Variants in GPR39 observed in about 807,000 individuals in gnomAD.
The protein encoded by GPR39 is G protein-coupled receptor 39.
GPR39 carries 23 observed loss-of-function variants against 18.4 expected under a neutral mutation model. That is an observed-to-expected ratio of 1.25 (90% CI 0.90 to 1.77). The LOEUF (loss-of-function observed/expected upper bound fraction) is 1.77. Among genes scored for constraint, GPR39 ranks in the 40% most tolerant of loss-of-function variants. The pLI is 0.00. For missense variants in GPR39, 647 were observed against 602.4 expected (o/e 1.07, Z -0.78); for synonymous variants, 280 against 257.9 (o/e 1.09, Z -0.82).
intron 1 of GPR39, among the ~76,000 whole-genome samples, chr2:132,523,213 A>G (rs1233881800): frequency 6.6e-6 from 1 of 152,260 alleles, no homozygotes; most frequent in Non-Finnish European, 1.5e-5. Flanking sequence ...CCTGTTAAAC[A>G]TTAAGAACTA....
chr2:132,454,025 T>G (rs1276483094), intron 1 of GPR39, among the ~76,000 whole-genome samples: 1 of 152,188 alleles, frequency 6.6e-6, no homozygotes, highest in African/African-American at 2.4e-5. Context: ...AAGAAAGTAA[T>G]AGGTAGCTTG....
chr2:132,572,673 A>C (rs974299827), intron 1 of GPR39, among the ~76,000 whole-genome samples: 1 of 152,150 alleles, frequency 6.6e-6, no homozygotes, highest in Non-Finnish European at 1.5e-5. Context: ...GGAGTCCGCT[A>C]TGCTCCATCA....
At chr2:132,583,382 CAAA>C (rs10707930) in intron 1 of GPR39, among the ~76,000 whole-genome samples, 2 of 143,342 alleles carry the variant, frequency 1.4e-5, no homozygotes, top group East Asian at 2.0e-4. Flanking sequence ...ACATATCCCT[CAAA>C]AAAAAAAAAA....
At chr2:132,427,369 T>C (rs1680145928) in intron 1 of GPR39, among the ~76,000 whole-genome samples, 1 of 149,746 alleles carries the variant, frequency 6.7e-6, no homozygotes, top group Non-Finnish European at 1.5e-5. Context: ...GGTGTTTCAC[T>C]GTGTTAGCCA....
intron 1 of GPR39, among the ~76,000 whole-genome samples, chr2:132,545,800 T>C (rs1160210574): frequency 9.9e-5 from 15 of 152,166 alleles, no homozygotes. Flanking sequence ...CCTGGGATTC[T>C]GCATTTCTAA....
At chr2:132,580,968 A>G (rs1020922742) in intron 1 of GPR39, among the ~76,000 whole-genome samples, 3 of 149,000 alleles carry the variant, frequency 2.0e-5, no homozygotes, top group Non-Finnish European at 1.5e-5. Context: ...CTCAAAAAAA[A>G]AAAACAAAAA....
At chr2:132,560,564 C>T (rs1364540106) in intron 1 of GPR39, among the ~76,000 whole-genome samples, 1 of 152,258 alleles carries the variant, frequency 6.6e-6, no homozygotes, top group East Asian at 1.9e-4. Context: ...CACTGGCCTT[C>T]CGATTTCCCA....
At chr2:132,567,986 G>A (rs180838703) in intron 1 of GPR39, among the ~76,000 whole-genome samples, 1 of 152,188 alleles carries the variant, frequency 6.6e-6, no homozygotes, top group East Asian at 1.9e-4. Context: ...GTAAGTCCAA[G>A]AGACTTCTTC....
At chr2:132,532,939 A>T (rs1245050797) in intron 1 of GPR39, among the ~76,000 whole-genome samples, 1 of 152,160 alleles carries the variant, frequency 6.6e-6, no homozygotes, top group African/African-American at 2.4e-5. Flanking sequence ...CTGGCACAAG[A>T]CAGGGATGCC....
At chr2:132,633,696 CA>C (rs1681694149) in intron 1 of GPR39, among the ~76,000 whole-genome samples, 3 of 151,704 alleles carry the variant, frequency 2.0e-5, no homozygotes, top group Non-Finnish European at 4.4e-5. Context: ...ATAATGACGA[CA>C]AAGGAAGTTG....
intron 1 of GPR39, among the ~76,000 whole-genome samples, chr2:132,438,271 G>A (rs1680367882): frequency 6.6e-6 from 1 of 152,176 alleles, no homozygotes; most frequent in Non-Finnish European, 1.5e-5. Flanking sequence ...GATCCTGAGT[G>A]CTTTCATAAG....
intron 1 of GPR39, among the ~76,000 whole-genome samples, chr2:132,441,308 A>C (rs1338999917): frequency 2.6e-5 from 4 of 152,178 alleles, no homozygotes; most frequent in African/African-American, 9.7e-5. Context: ...GCTGCATTTC[A>C]AAAGTTAGCT....
chr2:132,491,864 T>A (rs1360203063), intron 1 of GPR39, among the ~76,000 whole-genome samples: 6 of 151,874 alleles, frequency 4.0e-5, no homozygotes, highest in South Asian at 2.1e-4. Flanking sequence ...GGAAGGTAGA[T>A]GCTAATGATG....
rs997933891 is a variant in GPR39, at chr2:132,431,635, G to A, written c.856+13737G>A. Among the ~76,000 whole-genome samples, 9 of 152,178 alleles carry A rather than the reference G, an allele frequency of 5.9e-5. No individual in the cohort carries two copies. In the East Asian group the frequency reaches 1.4e-3, roughly 23 times the overall value. ...TTCTCTTGGTGATGTTTTTTTGAAC[G>A]AGAGTCACCATACGCCAGGTGAGCC... On this transcript the variant is annotated intron_variant, in intron 1 of 1. Coordinates refer to ENST00000329321, the MANE Select transcript of GPR39 (RefSeq NM_001508.3).
chr2:132,631,085 C>T (rs970833235), intron 1 of GPR39, among the ~76,000 whole-genome samples: 1 of 151,960 alleles, frequency 6.6e-6, no homozygotes, highest in Admixed American at 6.6e-5. Context: ...GAGGAGGTAC[C>T]CCAGGGAGAG....
At chr2:132,619,820 C>A (rs1463620147) in intron 1 of GPR39, among the ~76,000 whole-genome samples, 1 of 131,114 alleles carries the variant, frequency 7.6e-6, no homozygotes, top group African/African-American at 3.6e-5. Flanking sequence ...TACACACAGA[C>A]ACAGACACAG....
chr2:132,590,137 A>G (rs1680802392), intron 1 of GPR39, among the ~76,000 whole-genome samples: 1 of 152,208 alleles, frequency 6.6e-6, no homozygotes, highest in African/African-American at 2.4e-5. Flanking sequence ...ACTTGATGCT[A>G]TTGAGCAACA....
intron 1 of GPR39, among the ~76,000 whole-genome samples, chr2:132,455,678 G>T (rs187063378): frequency 6.6e-6 from 1 of 152,140 alleles, no homozygotes; most frequent in Non-Finnish European, 1.5e-5. Flanking sequence ...CTGGTATGTT[G>T]TGTCTTTGTT....
chr2:132,587,092 G>T (rs900842804), intron 1 of GPR39, among the ~76,000 whole-genome samples: 1 of 152,190 alleles, frequency 6.6e-6, no homozygotes, highest in African/African-American at 2.4e-5. Context: ...AAGGTCTTGC[G>T]GTAAAGACTG....
Sources: gnomAD v4.1 joint callset for allele counts (sites outside exome capture counted in the v4.1 genomes callset) on GRCh38, gnomAD v4.1.1 for gene constraint, MANE v1.5 for transcripts, NCBI Gene and HGNC (gene_info 2026-07-23, HGNC 2026-07-21) for gene names.